Variants in PPARGC1B observed in about 807,000 individuals in gnomAD.
The protein encoded by PPARGC1B is PPARG coactivator 1 beta, also known as peroxisome proliferator-activated receptor gamma coactivator 1-beta.
In PPARGC1B, 34 loss-of-function variants were observed where a neutral mutation model predicts 101.6. The observed-to-expected ratio is 0.33, with a 90% CI of 0.25 to 0.45. The LOEUF (loss-of-function observed/expected upper bound fraction) is 0.45, where lower values mean the gene tolerates loss of function less well. Ranked by LOEUF, PPARGC1B falls within the 20% of genes least tolerant of loss-of-function variation. The probability of loss-of-function intolerance (pLI) is 1.00; values close to 1 mark genes in which losing one functional copy is unlikely to be tolerated. For missense variants in PPARGC1B, 1,234 were observed against 1,317.6 expected (o/e 0.94, Z 0.98); for synonymous variants, 548 against 539.3 (o/e 1.02, Z -0.22).
At chr5:149,799,693 G>GTTGTTTTTTTTTT (rs752427488) in intron 1 of PPARGC1B, among the ~76,000 whole-genome samples, 24 of 76,478 alleles carry the variant, frequency 3.1e-4, no homozygotes, top group Admixed American at 4.1e-4. Context: ...GCTTGTTGTT[G>GTTGTTTTTTTTTT]TTTTTTTTTT....
At position 149,825,683 on chromosome 5, in the gene PPARGC1B, G is replaced by A. The variant is rs533197263; in HGVS notation, c.253-990G>A. Among the ~76,000 whole-genome samples, 328 of 152,270 alleles carry A rather than the reference G, an allele frequency of 2.2e-3. 3 individuals are homozygous for A. The highest frequency in any genetic ancestry group is 4.3e-3 in the Admixed American group (66 of 15,296). ...AGTTTCGTCCCATCCTCCACAGGAG[G>A]GTAAGCTCCATGGGAGCGGGGCATG... On this transcript the variant is annotated intron_variant, in intron 2 of 11. Transcript: ENST00000309241.
At chr5:149,779,770 T>C (rs1386990278) in intron 1 of PPARGC1B, among the ~76,000 whole-genome samples, 1 of 152,074 alleles carries the variant, frequency 6.6e-6, no homozygotes, top group African/African-American at 2.4e-5. Flanking sequence ...GTGAGAGGCC[T>C]CCGGAGGTGG....
At position 149,837,323 on chromosome 5, in the gene PPARGC1B, A is replaced by G. The variant is rs1192268820; in HGVS notation, c.2618+250A>G. On this transcript the variant is annotated intron_variant, in intron 8 of 11. Transcript: ENST00000309241. The surrounding 1 kb of genome is among the most constrained non-coding windows in gnomAD (Gnocchi z 4.2). ...GTCCCAAACATCCTGGCCTCCAGAA[A>G]GAAAGAAAACCCACTCCTGGCTATT... Among the ~76,000 whole-genome samples the G allele has an allele frequency of 2.6e-5, 4 of 152,360 alleles. No individual in the cohort carries two copies. The highest frequency in any genetic ancestry group is 9.6e-5 in the African/African-American group (4 of 41,596).
intron 1 of PPARGC1B, among the ~76,000 whole-genome samples, chr5:149,741,505 C>T (rs902174193): frequency 6.6e-6 from 1 of 152,226 alleles, no homozygotes; most frequent in African/African-American, 2.4e-5. Context: ...AAGCAGACTA[C>T]TGGGTATGGG....
At position 149,730,475 on chromosome 5, in the gene PPARGC1B, C is replaced by T. The variant is rs1334009622; in HGVS notation, c.78+55C>T. The stretch of plus-strand genomic sequence containing the variant: ...GCCAGGGGTGCTGAGCTGCGGGGGC[C>T]GCAGCTGCAGCCGCGGAGGCCGGGA... On this transcript the variant is annotated intron_variant, in intron 1 of 11. Transcript: ENST00000309241. This position sits in a 1 kb window ranked among gnomAD's most constrained non-coding sequence, Gnocchi z 4.0. The T allele has an allele frequency of 2.2e-6, 3 of 1,394,636 alleles. No homozygotes were observed. Among genetic ancestry groups the T allele is most frequent in the Admixed American group, 5.1e-5 (2 of 38,868 alleles). 86.4% of individuals were successfully genotyped at this position (1,394,636 alleles called of 1,614,324 possible).
chr5:149,826,066 G>A (rs1427405306), intron 2 of PPARGC1B, among the ~76,000 whole-genome samples: 2 of 152,230 alleles, frequency 1.3e-5, no homozygotes, highest in Admixed American at 1.3e-4. Context: ...AGAGCCCAGA[G>A]GTGCTAAGTA....
At chr5:149,783,015 C>T (rs543273046) in intron 1 of PPARGC1B, among the ~76,000 whole-genome samples, 6 of 152,108 alleles carry the variant, frequency 3.9e-5, no homozygotes, top group African/African-American at 1.4e-4. Flanking sequence ...ATGCAGGGTG[C>T]TTATGGTAGA....
intron 1 of PPARGC1B, among the ~76,000 whole-genome samples, chr5:149,739,153 A>G (rs946158900): frequency 2.0e-5 from 3 of 152,244 alleles, no homozygotes; most frequent in Non-Finnish European, 2.9e-5. Context: ...ATACAGAAGT[A>G]GACAGTAGAG....
At chr5:149,754,737 C>G (rs996302138) in intron 1 of PPARGC1B, among the ~76,000 whole-genome samples, 1 of 148,188 alleles carries the variant, frequency 6.7e-6, no homozygotes, top group African/African-American at 2.5e-5. Context: ...ATAGTAGGAG[C>G]CATGTGGCAA....
At chr5:149,753,457 C>A (rs1365674272) in intron 1 of PPARGC1B, among the ~76,000 whole-genome samples, 1 of 152,130 alleles carries the variant, frequency 6.6e-6, no homozygotes. Context: ...ATCCTCCCAC[C>A]TCGGCCTCCC....
chr5:149,781,713 G>C (rs1264116659), intron 1 of PPARGC1B, among the ~76,000 whole-genome samples: 1 of 152,144 alleles, frequency 6.6e-6, no homozygotes, highest in Non-Finnish European at 1.5e-5. Flanking sequence ...AGAATGATGG[G>C]GGTAAATTCT....
intron 1 of PPARGC1B, among the ~76,000 whole-genome samples, chr5:149,813,212 A>G (rs1170385869): frequency 6.6e-6 from 1 of 152,176 alleles, no homozygotes; most frequent in East Asian, 1.9e-4. Context: ...AGCAGATCTC[A>G]TTGCAGGTCT....
intron 1 of PPARGC1B, among the ~76,000 whole-genome samples, chr5:149,793,812 G>T (rs1757108606): frequency 6.6e-6 from 1 of 152,214 alleles, no homozygotes; most frequent in African/African-American, 2.4e-5. Flanking sequence ...GAGACGCTCA[G>T]ACGGACCAGC....
At position 149,852,303 on chromosome 5, in the gene PPARGC1B, T is replaced by C. The variant is rs1258321535; in HGVS notation, c.*4745T>C. The C allele has an allele frequency of 6.6e-6, 1 of 152,188 alleles. No individual in the cohort carries two copies. The highest frequency in any genetic ancestry group is 1.5e-5 in the Non-Finnish European group (1 of 68,044). The allele number at this position is 152,188 out of a possible 1,614,324, so 9.4% of individuals were successfully genotyped here. ...GGCCCCTGTTTCCTCATCTACCAAA[T>C]GAGAATGTTGAATATGAGCATTAAA... On this transcript the variant is annotated 3_prime_UTR_variant, in exon 12 of 12. Coordinates refer to ENST00000309241, the MANE Select transcript of PPARGC1B (RefSeq NM_133263.4).
chr5:149,777,826 C>G (rs2342253), intron 1 of PPARGC1B, among the ~76,000 whole-genome samples: 25,416 of 115,630 alleles, frequency 0.22, 3,636 homozygotes, highest in Middle Eastern at 0.37. Flanking sequence ...CACACACACA[C>G]AGTATCCGGC....
At chr5:149,763,619 C>T (rs1338392492) in intron 1 of PPARGC1B, among the ~76,000 whole-genome samples, 1 of 150,122 alleles carries the variant, frequency 6.7e-6, no homozygotes, top group Non-Finnish European at 1.5e-5. Flanking sequence ...CAACCTCTGC[C>T]TCCCGGGCTC....
intron 1 of PPARGC1B, among the ~76,000 whole-genome samples, chr5:149,732,296 C>A (rs1254167885): frequency 6.6e-6 from 1 of 152,276 alleles, no homozygotes; most frequent in Non-Finnish European, 1.5e-5. Context: ...GTCCCCAGAT[C>A]TCGAAATTGC....
At chr5:149,731,863 C>G (rs1355132793) in intron 1 of PPARGC1B, among the ~76,000 whole-genome samples, 2 of 152,112 alleles carry the variant, frequency 1.3e-5, no homozygotes, top group Non-Finnish European at 2.9e-5. Context: ...GGAAGCCCGC[C>G]ACGCGGGAGG....
In PPARGC1B at chr5:149,837,210, C is replaced by A; in HGVS notation, c.2618+137C>A. The A allele has an allele frequency of 5.8e-6, 8 of 1,369,878 alleles. No individual in the cohort carries two copies. The highest frequency in any genetic ancestry group is 6.8e-6 in the Non-Finnish European group (7 of 1,030,588). 84.9% of individuals were successfully genotyped at this position (1,369,878 alleles called of 1,614,324 possible). A position where few individuals can be genotyped will look rare whatever the true frequency, so the allele number is the denominator to read the frequency against. ...CTGCATCTCCCAGTGTGGCCCATGT[C>A]TTGGTCAGGAGCCTTGAAGGTGGTC... On this transcript the variant is annotated intron_variant, in intron 8 of 11. Coordinates refer to ENST00000309241, the MANE Select transcript of PPARGC1B (RefSeq NM_133263.4). This position sits in a 1 kb window ranked among gnomAD's most constrained non-coding sequence, Gnocchi z 4.2.
Sources: gnomAD v4.1 joint callset for allele counts (sites outside exome capture counted in the v4.1 genomes callset) on GRCh38, gnomAD v4.1.1 for gene constraint, Gnocchi (gnomAD v3.1) non-coding constraint, MANE v1.5 for transcripts, NCBI Gene and HGNC (gene_info 2026-07-23, HGNC 2026-07-21) for gene names.